Variants in IFNAR1 observed in about 807,000 individuals in gnomAD.
The protein encoded by IFNAR1 is interferon alpha and beta receptor subunit 1.
In IFNAR1, 47 loss-of-function variants were observed where a neutral mutation model predicts 62.1. The observed-to-expected ratio is 0.76, with a 90% CI of 0.60 to 0.97. IFNAR1 has a LOEUF of 0.97. Ranked by LOEUF, IFNAR1 falls within the 50% of genes least tolerant of loss-of-function variation. IFNAR1 has a pLI of 0.00. For missense variants in IFNAR1, 638 were observed against 654.5 expected (o/e 0.97, Z 0.27); for synonymous variants, 219 against 226.9 (o/e 0.97, Z 0.31).
chr21:33,338,262 G>A (rs1225498321), intron 2 of IFNAR1, among the ~76,000 whole-genome samples: 1 of 152,168 alleles, frequency 6.6e-6, no homozygotes, highest in Non-Finnish European at 1.5e-5. Context: ...GCTGGGCATG[G>A]TGGCTCACAC....
At position 33,351,085 on chromosome 21, in the gene IFNAR1, A is replaced by C. The variant is rs17875837; in HGVS notation, c.1143+1542A>C. On this transcript the variant is annotated intron_variant, in intron 8 of 10. Coordinates refer to ENST00000270139, the MANE Select transcript of IFNAR1 (RefSeq NM_000629.3). ...ACCTATACTGGATAATATATCAATA[A>C]TTGTTACTATAGAAACTCTTATTGA... is the stretch of plus-strand genomic sequence containing the variant. Among the ~76,000 whole-genome samples the C allele has an allele frequency of 5.0e-3, 767 of 152,328 alleles. 6 individuals carry two copies. Among genetic ancestry groups the C allele is most frequent in the African/African-American group, 0.018 (739 of 41,564 alleles).
chr21:33,328,720 C>G (rs1432080295), intron 1 of IFNAR1, among the ~76,000 whole-genome samples: 2 of 152,066 alleles, frequency 1.3e-5, no homozygotes, highest in African/African-American at 4.8e-5. Context: ...CATATTTGTA[C>G]AGATATCTAT....
intron 3 of IFNAR1, among the ~76,000 whole-genome samples, chr21:33,342,080 A>G (rs996936882): frequency 3.9e-5 from 6 of 152,338 alleles, no homozygotes; most frequent in African/African-American, 1.4e-4. Context: ...GCCCACATAA[A>G]TAATGGCTGT....
chr21:33,359,771 T>C lies in IFNAR1; in HGVS notation c.*4222T>C, dbSNP rs977210346. ...CTTGTGTTTTTAAGCTTCCCTTTTT[T>C]ACAGTGGACAAGGACACAAATAATA... On this transcript the variant is annotated 3_prime_UTR_variant, in exon 11 of 11. Coordinates refer to ENST00000270139, the MANE Select transcript of IFNAR1 (RefSeq NM_000629.3). The C allele has an allele frequency of 2.6e-5, 4 of 152,188 alleles. No homozygotes were observed. The highest frequency in any genetic ancestry group is 9.7e-5 in the African/African-American group (4 of 41,444). 9.4% of individuals were successfully genotyped at this position (152,188 alleles called of 1,614,324 possible).
At chr21:33,333,872 C>T (rs1339087444) in intron 1 of IFNAR1, among the ~76,000 whole-genome samples, 1 of 151,940 alleles carries the variant, frequency 6.6e-6, no homozygotes, top group African/African-American at 2.4e-5. Flanking sequence ...ATCCACCCGC[C>T]TCGGCCTCCC....
chr21:33,355,567 C>CA lies in IFNAR1; in HGVS notation c.*20dup, dbSNP rs1365305858. The CA allele has an allele frequency of 7.1e-7, 1 of 1,410,016 alleles. No individual in the cohort carries two copies. The highest frequency in any genetic ancestry group is 9.8e-7 in the Non-Finnish European group (1 of 1,024,170). The allele number at this position is 1,410,016 out of a possible 1,614,324, so 87.3% of individuals were successfully genotyped here. A position where few individuals can be genotyped will look rare whatever the true frequency, so the allele number is the denominator to read the frequency against. On this transcript the variant is annotated 3_prime_UTR_variant, in exon 11 of 11. Transcript: ENST00000270139. ...TTGTATGACCAGAAATGAACTGTGT[C>CA]AAGTATAAGGTTTTTCAGCAGGAGT...
At chr21:33,353,289 A>G (rs1181843931) in intron 9 of IFNAR1, among the ~76,000 whole-genome samples, 5 of 152,130 alleles carry the variant, frequency 3.3e-5, no homozygotes, top group African/African-American at 7.2e-5. Context: ...CTCATTTTCT[A>G]TTTTACAGTT....
intron 2 of IFNAR1, among the ~76,000 whole-genome samples, chr21:33,336,349 G>A (rs2123670642): frequency 7.4e-6 from 1 of 135,768 alleles, no homozygotes; most frequent in South Asian, 2.6e-4. Context: ...TTGGTTCCAA[G>A]TCTTTGCTAT....
intron 3 of IFNAR1, among the ~76,000 whole-genome samples, chr21:33,342,373 T>C (rs2083298999): frequency 6.6e-6 from 1 of 152,060 alleles, no homozygotes; most frequent in African/African-American, 2.4e-5. Context: ...TTTGTGCCAC[T>C]GCACTCCAGC....
intron 3 of IFNAR1, among the ~76,000 whole-genome samples, chr21:33,342,425 A>C (rs931887686): frequency 1.3e-5 from 2 of 151,806 alleles, no homozygotes; most frequent in African/African-American, 4.8e-5. Context: ...AAAAGTGGGG[A>C]TCCTGAGACC....
chr21:33,346,135 C>T (rs1037835427), intron 6 of IFNAR1, among the ~76,000 whole-genome samples: 1 of 151,904 alleles, frequency 6.6e-6, no homozygotes, highest in African/African-American at 2.4e-5. Flanking sequence ...AAGAGAACTG[C>T]ATGTAGTTTA....
intron 1 of IFNAR1, among the ~76,000 whole-genome samples, chr21:33,332,825 A>G (rs1341671659): frequency 6.6e-6 from 1 of 152,230 alleles, no homozygotes; most frequent in Non-Finnish European, 1.5e-5. Context: ...TTAATTGTAG[A>G]AAAAACAAGT....
intron 3 of IFNAR1, 53 bp downstream of exon 3, chr21:33,341,227 A>C: frequency 7.2e-7 from 1 of 1,386,246 alleles, no homozygotes; most frequent in Non-Finnish European, 1.0e-6. Context: ...TTACCAGAGC[A>C]GTTCACTTTC....
rs769517407 is a variant in IFNAR1 at position 33,352,852 on chromosome 21, A to G, written c.1238A>G (p.Glu413Gly). 3.7e-6 allele frequency: 6 copies of G among 1,605,684 alleles called. No homozygotes were observed. Among genetic ancestry groups the G allele is most frequent in the Non-Finnish European group, 5.1e-6 (6 of 1,174,096 alleles). The change falls in exon 9 of 11, where the codon GAA (glutamate) becomes GGA (glycine). Residue 413 changes from glutamate to glycine, a missense_variant. By Grantham distance (98) the Glu-to-Gly change is moderately conservative. Coordinates refer to ENST00000270139, the MANE Select transcript of IFNAR1 (RefSeq NM_000629.3). ...AAAGCCAGAGCACACACCATGGATG[A>G]AAAGCTGAATAAAAGCAGTGTTTTT... ...CVKARAHTMD[E>G]KLNKSSVFSD...
Position 33,349,554 on chromosome 21 carries a change from TGTATA to T in IFNAR1, c.1143+17_1143+21del, listed in dbSNP as rs770527110. On this transcript the variant is annotated intron_variant, in intron 8 of 10. Coordinates refer to ENST00000270139, the MANE Select transcript of IFNAR1 (RefSeq NM_000629.3). ...ACTTCAAATGCTGAGGTAAAAAGACTGTATAGTATAATTTTGTAACTTAGAGTTAT... is the reference window on the plus strand; with the variant it reads ...ACTTCAAATGCTGAGGTAAAAAGACTGTATAATTTTGTAACTTAGAGTTAT... 9.7e-5 allele frequency: 150 copies of T among 1,541,668 alleles called. 1 individual carries two copies. Among genetic ancestry groups the T allele is most frequent in the Non-Finnish European group, 1.3e-4 (144 of 1,130,656 alleles).
At chr21:33,328,108 T>G (rs2083143511) in intron 1 of IFNAR1, among the ~76,000 whole-genome samples, 1 of 152,214 alleles carries the variant, frequency 6.6e-6, no homozygotes, top group South Asian at 2.1e-4. Flanking sequence ...TTTGTTTTGT[T>G]TGTTTTCTTT....
At chr21:33,336,658 A>G (rs1477933775) in intron 2 of IFNAR1, among the ~76,000 whole-genome samples, 8 of 152,082 alleles carry the variant, frequency 5.3e-5, no homozygotes, top group Non-Finnish European at 1.2e-4. Flanking sequence ...CAAAAGGTCC[A>G]TCGAAGACCT....
rs2083449825 is a variant in IFNAR1 at position 33,356,503 on chromosome 21, T to C, written c.*954T>C. Reference sequence around the variant, plus strand: ...GAACATTGGCTTCCACATCACAGTATCTACCCTTACATGGTTTAGGATTAA... The same window carrying C: ...GAACATTGGCTTCCACATCACAGTACCTACCCTTACATGGTTTAGGATTAA... On this transcript the variant is annotated 3_prime_UTR_variant, in exon 11 of 11. Transcript: ENST00000270139. The C allele has an allele frequency of 1.3e-5, 2 of 152,320 alleles. No individual in the cohort carries two copies. The highest frequency in any genetic ancestry group is 2.1e-4 in the South Asian group (1 of 4,822). The allele number at this position is 152,320 out of a possible 1,614,324, so 9.4% of individuals were successfully genotyped here.
chr21:33,339,736 A>T (rs1038369610), intron 2 of IFNAR1, among the ~76,000 whole-genome samples: 1 of 151,896 alleles, frequency 6.6e-6, no homozygotes, highest in Non-Finnish European at 1.5e-5. Context: ...AGTCTAGCCA[A>T]CATGGCAAAA....
Sources: gnomAD v4.1 joint callset for allele counts (sites outside exome capture counted in the v4.1 genomes callset) on GRCh38, gnomAD v4.1.1 for gene constraint, MANE v1.5 for transcripts, NCBI Gene and HGNC (gene_info 2026-07-23, HGNC 2026-07-21) for gene names.